The following HDGFL3 variants were observed in gnomAD, a reference collection of about 807,000 sequenced individuals.
The protein encoded by HDGFL3 is HDGF like 3.
Under a neutral mutation model 27.6 loss-of-function variants are expected in HDGFL3, and 6 were observed. The ratio of observed to expected loss-of-function variants is 0.22; its 90% CI spans 0.12 to 0.43. The LOEUF (loss-of-function observed/expected upper bound fraction) is 0.43, where lower values mean the gene tolerates loss of function less well. Ranked by LOEUF, HDGFL3 falls within the 20% of genes least tolerant of loss-of-function variation. The pLI is 1.00. For synonymous variants in HDGFL3, 88 were observed against 88.9 expected, an observed-to-expected ratio of 0.99 and a Z score of 0.05; for missense variants, 207 against 250.1, an observed-to-expected ratio of 0.83 and a Z score of 1.16.
chr15:83,155,545 A>G (rs2037017298), intron 4 of HDGFL3, among the ~76,000 whole-genome samples: 1 of 152,254 alleles, frequency 6.6e-6, no homozygotes, highest in East Asian at 1.9e-4. Context: ...TTACAATGGA[A>G]GATAAAGTCT....
intron 1 of HDGFL3, among the ~76,000 whole-genome samples, chr15:83,190,475 T>C (rs143901120): frequency 0.019 from 2,875 of 152,326 alleles, 100 homozygotes; most frequent in African/African-American, 0.066. Flanking sequence ...CATATGATAC[T>C]GGCAAACCTT....
At position 83,139,220 on chromosome 15, in the gene HDGFL3, CAT is replaced by C; in HGVS notation, c.*48_*49del. Reference sequence around the variant, plus strand: ...AATCCAAGAATATTAGACAACCAAACATATAACCTTCTTGTGGTTTCTCTTAA... The same window carrying C: ...AATCCAAGAATATTAGACAACCAAACATAACCTTCTTGTGGTTTCTCTTAA... On this transcript the variant is annotated 3_prime_UTR_variant, in exon 6 of 6. Coordinates refer to ENST00000299633, the MANE Select transcript of HDGFL3 (RefSeq NM_016073.4). 3 of 1,314,480 alleles carry C rather than the reference CAT, an allele frequency of 2.3e-6. No homozygotes were observed. The highest frequency in any genetic ancestry group is 3.5e-5 in the South Asian group (2 of 57,086). 81.4% of individuals were successfully genotyped at this position (1,314,480 alleles called of 1,614,324 possible).
At chr15:83,163,496 G>A (rs935690880) in intron 2 of HDGFL3, among the ~76,000 whole-genome samples, 1 of 152,172 alleles carries the variant, frequency 6.6e-6, no homozygotes, top group African/African-American at 2.4e-5. Context: ...TATATTATTT[G>A]AGACATTGTA....
intron 4 of HDGFL3, among the ~76,000 whole-genome samples, chr15:83,153,091 T>C (rs1469305204): frequency 6.6e-6 from 1 of 151,084 alleles, no homozygotes; most frequent in Non-Finnish European, 1.5e-5. Flanking sequence ...GCCTCCTGGG[T>C]TCACACCATG....
chr15:83,122,931 C>A, downstream of HDGFL3: 1 of 1,599,836 alleles, frequency 6.3e-7, no homozygotes, highest in South Asian at 1.1e-5. Flanking sequence ...AGGGTTCTTT[C>A]GCATCCACTG....
chr15:83,120,262 A>G (rs1286868672), intron 3 of HDGFL3, among the ~76,000 whole-genome samples: 1 of 152,236 alleles, frequency 6.6e-6, no homozygotes, highest in Non-Finnish European at 1.5e-5. Context: ...TGGGAGGCAC[A>G]CATGTGAGTT....
At chr15:83,170,383 A>G (rs1382334072) in intron 1 of HDGFL3, among the ~76,000 whole-genome samples, 5 of 152,158 alleles carry the variant, frequency 3.3e-5, no homozygotes, top group African/African-American at 1.2e-4. Flanking sequence ...ATAGACCAAT[A>G]GAATAGAAAA....
In HDGFL3 at chr15:83,127,976, A is replaced by G. The variant is rs577351774; in HGVS notation, c.*11294T>C. ...CCTTGCCAAATATTTGGCCTAGAGT[A>G]GGTGTTCAGTGAATGCTTACTGCGT... On this transcript the variant is annotated 3_prime_UTR_variant, in exon 6 of 6. Transcript: ENST00000299633. 6.4e-6 allele frequency: 1 copy of G among 155,124 alleles called. No individual in the cohort carries two copies. Among genetic ancestry groups the G allele is most frequent in the African/African-American group, 2.4e-5 (1 of 41,600 alleles). 9.6% of individuals were successfully genotyped at this position (155,124 alleles called of 1,614,324 possible). A position where few individuals can be genotyped will look rare whatever the true frequency, so the allele number is the denominator to read the frequency against.
At chr15:83,165,228 T>C (rs1567170736) in intron 1 of HDGFL3, among the ~76,000 whole-genome samples, 4 of 152,204 alleles carry the variant, frequency 2.6e-5, no homozygotes. Flanking sequence ...TCCACCTCTG[T>C]ATGTCACTCT....
chr15:83,197,208 C>G (rs1185948169), intron 1 of HDGFL3, among the ~76,000 whole-genome samples: 1 of 152,168 alleles, frequency 6.6e-6, no homozygotes, highest in Non-Finnish European at 1.5e-5. Flanking sequence ...TGGAGAACAG[C>G]CAGAGTTCTT....
chr15:83,202,793 C>T (rs1239492746), intron 1 of HDGFL3, among the ~76,000 whole-genome samples: 1 of 152,120 alleles, frequency 6.6e-6, no homozygotes, highest in Non-Finnish European at 1.5e-5. Flanking sequence ...TATTCAATAA[C>T]TCCTTTCTAC....
intron 1 of HDGFL3, chr15:83,179,070 T>C (rs2037349187): frequency 6.6e-6 from 1 of 152,228 alleles, no homozygotes; most frequent in African/African-American, 2.4e-5. Context: ...CAGGCTTCAG[T>C]TTCCTGCCAG....
At chr15:83,200,044 CAA>C (rs796608256) in intron 1 of HDGFL3, among the ~76,000 whole-genome samples, 12 of 83,718 alleles carry the variant, frequency 1.4e-4, no homozygotes, top group Middle Eastern at 7.7e-3. Context: ...AACTCCATCT[CAA>C]AAAAAAAAAA....
chr15:83,151,232 G>T lies in HDGFL3; in HGVS notation c.589C>A (p.Gln197Lys). ...NDTRNTTSDL[Q>K]KTSEGT is the part of the protein sequence containing the mutation. The stretch of plus-strand genomic sequence containing the variant: ...ATCCTTACCCCTTCACTGGTTTTCT[G>T]CAAGTCTGAAGTTGTGTTTCTTGTG... Residue 197 changes from glutamine to lysine, a missense_variant, in exon 5 of 6, where the codon CAG becomes AAG. Gln to Lys is a moderately conservative substitution (Grantham distance 53). Coordinates refer to ENST00000299633, the MANE Select transcript of HDGFL3 (RefSeq NM_016073.4). The T allele has an allele frequency of 1.9e-6, 3 of 1,612,454 alleles. No individual in the cohort carries two copies. Among genetic ancestry groups the T allele is most frequent in the Non-Finnish European group, 2.5e-6 (3 of 1,179,700 alleles).
rs781677192 is a variant in HDGFL3 at position 83,122,742 on chromosome 15, C to G, written c.394-7001G>C. The G allele has an allele frequency of 2.5e-6, 4 of 1,609,990 alleles. No individual in the cohort carries two copies. In the Admixed American group the frequency reaches 5.1e-5, roughly 20 times the overall value. On this transcript the variant is annotated intron_variant, in intron 3 of 3. Coordinates refer to the HDGFL3 transcript ENST00000568294. ...TGCTTTTGGTAACTTCTTTCTCTTTCTCTCTTTTAAATAGGGAAGTATGGA... is the reference window on the plus strand; with the variant it reads ...TGCTTTTGGTAACTTCTTTCTCTTTGTCTCTTTTAAATAGGGAAGTATGGA...
rs982794250 is a variant in HDGFL3 at position 83,148,375 on chromosome 15, A to G, written c.606+2840T>C. ...AGTGGCTCACACCTGTAATCCCAGC[A>G]CTTTGGGAGGCTGAGGCAGGCAGAT... On this transcript the variant is annotated intron_variant, in intron 5 of 5. Coordinates refer to ENST00000299633, the MANE Select transcript of HDGFL3 (RefSeq NM_016073.4). 9.2e-5 allele frequency among the ~76,000 whole-genome samples: 14 copies of G among 152,302 alleles called. No individual in the cohort carries two copies. In the East Asian group the frequency reaches 2.3e-3, roughly 25 times the overall value.
intron 3 of HDGFL3, among the ~76,000 whole-genome samples, chr15:83,122,492 C>T (rs1057224443): frequency 2.0e-5 from 3 of 152,150 alleles, no homozygotes; most frequent in Admixed American, 2.0e-4. Context: ...CAGGATCTCA[C>T]TCTGTTGCCC....
At chr15:83,171,024 C>T (rs949862246) in intron 1 of HDGFL3, among the ~76,000 whole-genome samples, 1 of 152,176 alleles carries the variant, frequency 6.6e-6, no homozygotes, top group South Asian at 2.1e-4. Context: ...CAATGAGATA[C>T]TATCTCACAC....
intron 1 of HDGFL3, among the ~76,000 whole-genome samples, chr15:83,174,584 T>A (rs906077184): frequency 6.6e-6 from 1 of 152,166 alleles, no homozygotes; most frequent in Non-Finnish European, 1.5e-5. Context: ...TAACCATTTT[T>A]AAATGTATAG....
Sources: gnomAD v4.1 joint callset for allele counts (sites outside exome capture counted in the v4.1 genomes callset) on GRCh38, gnomAD v4.1.1 for gene constraint, MANE v1.5 for transcripts, NCBI Gene and HGNC (gene_info 2026-07-23, HGNC 2026-07-21) for gene names.